Variants in CENPK observed in about 807,000 individuals in gnomAD.
CENPK encodes SoxLZ/Sox6-binding protein Solt.
In CENPK, 46 loss-of-function variants were observed where a neutral mutation model predicts 40.9. The observed-to-expected ratio is 1.13, with a 90% CI of 0.89 to 1.44. CENPK has a LOEUF of 1.44. Ranked by LOEUF, CENPK falls within the 40% of genes most tolerant of loss-of-function variation. The pLI is 0.00. For missense variants in CENPK, 288 were observed against 303.5 expected (o/e 0.95, Z 0.38); for synonymous variants, 107 against 104.4 (o/e 1.02, Z -0.15).
At chr5:65,540,776 A>G (rs1199284298) in intron 6 of CENPK, among the ~76,000 whole-genome samples, 1 of 149,880 alleles carries the variant, frequency 6.7e-6, no homozygotes, top group Non-Finnish European at 1.5e-5. Flanking sequence ...CTTGCCCTAC[A>G]CATCTTTTCC....
the CENPK span, among the ~76,000 whole-genome samples, chr5:65,506,784 CAAA>C: frequency 7.5e-6 from 1 of 133,644 alleles, no homozygotes; most frequent in Non-Finnish European, 1.6e-5. Flanking sequence ...CACTTGGTCT[CAAA>C]AAAAAAAAAA....
intron 5 of CENPK, among the ~76,000 whole-genome samples, chr5:65,549,439 C>G (rs1202920938): frequency 6.6e-6 from 1 of 152,144 alleles, no homozygotes; most frequent in African/African-American, 2.4e-5. Flanking sequence ...GTCAACCTGT[C>G]CTTTTGAAGC....
At chr5:65,497,226 G>A in the CENPK span, among the ~76,000 whole-genome samples, 1 of 151,702 alleles carries the variant, frequency 6.6e-6, no homozygotes, top group African/African-American at 2.4e-5. Context: ...AAATTAGCTG[G>A]GCATGGTGGC....
intron 8 of CENPK, 22 bp from the exon 9 acceptor site, chr5:65,528,600 G>T: frequency 6.7e-7 from 1 of 1,494,022 alleles, no homozygotes; most frequent in Non-Finnish European, 8.9e-7. Context: ...AAAAAATTAA[G>T]AGAAACATTT....
At chr5:65,514,238 TTTTTTTTTTTTTTTTTTTTTTTTAG>T (rs1156615705), downstream of CENPK, among the ~76,000 whole-genome samples, 13 of 11,216 alleles carry the variant, frequency 1.2e-3, no homozygotes, top group African/African-American at 2.4e-3. Flanking sequence ...ATCTTTTTTT[TTTTTTTTTTTTTTTTTTTTTTTTAG>T]TTTTTTTTAG....
intron 10 of CENPK, 21 bp downstream of exon 10, chr5:65,521,450 AAAAC>A (rs760775264): frequency 6.3e-7 from 1 of 1,591,830 alleles, no homozygotes; most frequent in Non-Finnish European, 8.6e-7. Context: ...GCTTCAAGAC[AAAAC>A]AAACTACACA....
chr5:65,526,056 T>G (rs899590590), intron 9 of CENPK, among the ~76,000 whole-genome samples: 1 of 152,302 alleles, frequency 6.6e-6, no homozygotes, highest in East Asian at 1.9e-4. Flanking sequence ...CTTTGTAACA[T>G]GTATCAATAG....
chr5:65,518,585 T>C lies in CENPK; in HGVS notation c.700A>G (p.Ile234Val). The change falls in exon 11 of 11, where the codon ATT becomes GTT. Residue 234 changes from isoleucine (I) to valine (V), a missense_variant. Coordinates refer to ENST00000396679, the MANE Select transcript of CENPK (RefSeq NM_022145.5). ...TAAGGTGGCCAAAAGGAATCACTAA[T>C]TTTGACATATGGATCATGTGGAACA... ...FDVPHDPYVK[I>V]SDSFWPPYVE... is the part of the protein sequence containing the mutation. 6.2e-7 allele frequency: 1 copy of C among 1,604,094 alleles called. No individual in the cohort carries two copies. Among genetic ancestry groups the C allele is most frequent in the East Asian group, 2.2e-5 (1 of 44,788 alleles).
intron 6 of CENPK, among the ~76,000 whole-genome samples, chr5:65,538,195 T>G (rs1473911777): frequency 1.3e-5 from 2 of 152,246 alleles, no homozygotes; most frequent in African/African-American, 2.4e-5. Context: ...GTATTATTTC[T>G]TTAAATTCTC....
At chr5:65,528,134 T>C (rs991601241) in intron 9 of CENPK, among the ~76,000 whole-genome samples, 11 of 152,046 alleles carry the variant, frequency 7.2e-5, no homozygotes, top group Non-Finnish European at 1.2e-4. Context: ...CCAGCTACTC[T>C]GAAGGCTAAG....
Position 65,557,195 on chromosome 5 carries a change from AATG to A in CENPK, c.-39-2252_-39-2250del, listed in dbSNP as rs1751124942. On this transcript the variant is annotated intron_variant, in intron 2 of 10. Coordinates refer to ENST00000396679, the MANE Select transcript of CENPK (RefSeq NM_022145.5). ...AATCCAAGAATGTATTCAAGGAAGG[AATG>A]ATAACTGTCAAACACTGGAGACAGG... Among the ~76,000 whole-genome samples, 10 of 152,364 alleles carry A rather than the reference AATG, an allele frequency of 6.6e-5. No homozygotes were observed. In the South Asian group the frequency reaches 2.1e-3, roughly 32 times the overall value.
At chr5:65,531,353 T>C (rs1020154747) in intron 6 of CENPK, among the ~76,000 whole-genome samples, 8 of 150,154 alleles carry the variant, frequency 5.3e-5, no homozygotes, top group African/African-American at 1.7e-4. Flanking sequence ...AATATGAAAA[T>C]AGGAAATTAT....
chr5:65,506,637 T>C, the CENPK span, among the ~76,000 whole-genome samples: 3 of 152,068 alleles, frequency 2.0e-5, no homozygotes, highest in Admixed American at 2.0e-4. Context: ...TACAAAAAAT[T>C]AGCCAGGCAT....
chr5:65,498,876 A>T, the CENPK span, among the ~76,000 whole-genome samples: 3 of 151,898 alleles, frequency 2.0e-5, no homozygotes, highest in African/African-American at 7.2e-5. Flanking sequence ...TGGTCTTGAG[A>T]ACAGGCTTCA....
Position 65,552,514 on chromosome 5 carries a change from T to C in CENPK, c.147A>G (p.Thr49=). 1.3e-6 allele frequency: 2 copies of C among 1,563,920 alleles called. No homozygotes were observed. Among genetic ancestry groups the C allele is most frequent in the Non-Finnish European group, 8.6e-7 (1 of 1,157,404 alleles). Reference sequence around the variant, plus strand: ...ATACCTGAGCATTTGAATCGGTGAGTGTTTCAGTTCCAATAAGTGATAATT... The same window carrying C: ...ATACCTGAGCATTTGAATCGGTGAGCGTTTCAGTTCCAATAAGTGATAATT... The part of the protein sequence containing the change: ...QNKLSLIGTE[T]LTDSNAQLSL... The change falls in exon 4 of 11, where the codon ACA becomes ACG. Residue 49 remains threonine, a synonymous_variant. Transcript: ENST00000396679.
intron 9 of CENPK, 38 bp from the exon 10 acceptor site, chr5:65,521,566 C>T: frequency 7.6e-7 from 1 of 1,320,020 alleles, no homozygotes; most frequent in Middle Eastern, 1.8e-4. Flanking sequence ...ATTACCACTT[C>T]ACTTCTGCCA....
intron 5 of CENPK, among the ~76,000 whole-genome samples, chr5:65,547,213 C>A (rs934912464): frequency 6.6e-6 from 1 of 151,788 alleles, no homozygotes; most frequent in African/African-American, 2.4e-5. Flanking sequence ...GCCAACATGG[C>A]AAAACCCCGT....
At chr5:65,527,044 C>T (rs921804723) in intron 9 of CENPK, among the ~76,000 whole-genome samples, 4 of 151,860 alleles carry the variant, frequency 2.6e-5, no homozygotes, top group Admixed American at 6.6e-5. Context: ...TTGCAGTGAG[C>T]GGAGATCATG....
In CENPK at chr5:65,547,017, A is replaced by G. The variant is rs185463093; in HGVS notation, c.242-4169T>C. 1.8e-4 allele frequency among the ~76,000 whole-genome samples: 28 copies of G among 152,348 alleles called. No individual in the cohort carries two copies. The East Asian group carries it at 4.4e-3, about 24-fold the overall frequency. Reference sequence around the variant, plus strand: ...AGAATATGAACATATGGAAGTTATTATTACAGATATAACACATAAAAACAG... The same window carrying G: ...AGAATATGAACATATGGAAGTTATTGTTACAGATATAACACATAAAAACAG... On this transcript the variant is annotated intron_variant, in intron 5 of 10. Transcript: ENST00000396679.
Sources: gnomAD v4.1 joint callset for allele counts (sites outside exome capture counted in the v4.1 genomes callset) on GRCh38, gnomAD v4.1.1 for gene constraint, MANE v1.5 for transcripts, NCBI Gene and HGNC (gene_info 2026-07-23, HGNC 2026-07-21) for gene names.